ATCAY: variants seen among roughly 807,000 people sequenced by gnomAD.
ATCAY encodes the protein ATCAY kinesin light chain interacting caytaxin.
In ATCAY, 22 loss-of-function variants were observed where a neutral mutation model predicts 47.7. The ratio of observed to expected loss-of-function variants is 0.46; its 90% confidence interval spans 0.33 to 0.66. ATCAY has a LOEUF of 0.66. ATCAY is among the 30% of genes least tolerant of loss of function. ATCAY has a pLI of 0.02. For synonymous variants in ATCAY, 216 were observed against 207.6 expected, an observed-to-expected ratio of 1.04 and a Z score of -0.35; for missense variants, 452 against 515.0, an observed-to-expected ratio of 0.88 and a Z score of 1.18.
At chr19:3,914,112 T>C (rs2038945869) in intron 9 of ATCAY, among the ~76,000 whole-genome samples, 1 of 151,498 alleles carries the variant, frequency 6.6e-6, no homozygotes, top group Admixed American at 6.6e-5. Context: ...GGCGGGCGCC[T>C]GTAGTCCCAG....
chr19:3,904,594 CCTCT>C (rs747902650), intron 3 of ATCAY, among the ~76,000 whole-genome samples: 5 of 151,966 alleles, frequency 3.3e-5, no homozygotes, highest in African/African-American at 1.2e-4. Flanking sequence ...TAAATTTCTC[CCTCT>C]CTCTTTTTTT....
intron 1 of ATCAY, among the ~76,000 whole-genome samples, chr19:3,883,185 C>G (rs147516036): frequency 6.6e-6 from 1 of 152,046 alleles, no homozygotes; most frequent in African/African-American, 2.4e-5. Context: ...ACCAGCCTGG[C>G]CAATATAGTG....
intron 2 of ATCAY, among the ~76,000 whole-genome samples, chr19:3,898,126 C>T (rs2145234301): frequency 6.6e-6 from 1 of 152,226 alleles, no homozygotes; most frequent in South Asian, 2.1e-4. Flanking sequence ...CCCCCAACCC[C>T]AGTGACCACA....
intron 1 of ATCAY, among the ~76,000 whole-genome samples, chr19:3,885,175 T>C (rs1430932213): frequency 6.7e-6 from 1 of 148,982 alleles, no homozygotes; most frequent in African/African-American, 2.5e-5. Flanking sequence ...TCCCAGCACT[T>C]TGGGAGGCTG....
intron 2 of ATCAY, among the ~76,000 whole-genome samples, chr19:3,893,827 C>G (rs1047604477): frequency 6.6e-6 from 1 of 152,148 alleles, no homozygotes; most frequent in Non-Finnish European, 1.5e-5. Flanking sequence ...ATCCCATCCC[C>G]GAGGCACTGC....
At chr19:3,899,306 A>ATT (rs1277495645) in intron 2 of ATCAY, among the ~76,000 whole-genome samples, 1 of 133,350 alleles carries the variant, frequency 7.5e-6, no homozygotes, top group African/African-American at 2.8e-5. Context: ...GAGGGAATAA[A>ATT]TCTTTTTTTT....
chr19:3,884,212 A>G (rs1458858622), intron 1 of ATCAY, among the ~76,000 whole-genome samples: 1 of 152,066 alleles, frequency 6.6e-6, no homozygotes, highest in Non-Finnish European at 1.5e-5. Flanking sequence ...GCTTGAGCCC[A>G]GGAGTTGGAG....
chr19:3,907,692 C>A lies in ATCAY; in HGVS notation c.359-42C>A. 6.2e-7 allele frequency: 1 copy of A among 1,608,086 alleles called. No homozygotes were observed. The highest frequency in any genetic ancestry group is 8.5e-7 in the Non-Finnish European group (1 of 1,176,460). ...GCTGAGCAGGAGGGCAGGAGATATC[C>A]GGACTCTGGCGTCCATGCGACTCTC... On this transcript the variant is annotated intron_variant, in intron 4 of 12. Coordinates refer to ENST00000450849, the MANE Select transcript of ATCAY (RefSeq NM_033064.5). This position sits in a 1 kb window ranked among gnomAD's most constrained non-coding sequence, Gnocchi z 5.1.
Position 3,924,654 on chromosome 19 carries a change from GA to G in ATCAY, c.*63del. On this transcript the variant is annotated 3_prime_UTR_variant, in exon 13 of 13. Transcript: ENST00000450849. The stretch of plus-strand genomic sequence containing the variant: ...TCCAGATGCCAGAAAACCTCTGTCA[GA>G]CGCCCACTGGCCCCAGATCTCATCC... The G allele has an allele frequency of 6.3e-7, 1 of 1,589,542 alleles. No individual in the cohort carries two copies. Among genetic ancestry groups the G allele is most frequent in the South Asian group, 1.1e-5 (1 of 89,678 alleles).
In ATCAY at chr19:3,907,955, A is replaced by G. The variant is rs760982162; in HGVS notation, c.544+36A>G. 5.6e-6 allele frequency: 9 copies of G among 1,595,556 alleles called. No homozygotes were observed. In the South Asian group the frequency reaches 1.0e-4, roughly 18 times the overall value. ...CCCCCCGGTGCCCCCTTGGGGCTCC[A>G]GCCCGGCCCACTGGGCAACAGGGGG... On this transcript the variant is annotated intron_variant, in intron 5 of 12. Transcript: ENST00000450849. This position sits in a 1 kb window ranked among gnomAD's most constrained non-coding sequence, Gnocchi z 5.1.
intron 9 of ATCAY, 40 bp from the exon 10 acceptor site, chr19:3,917,702 G>A: frequency 1.9e-6 from 3 of 1,612,810 alleles, no homozygotes; most frequent in Non-Finnish European, 2.5e-6. Flanking sequence ...TATCTCAGGG[G>A]AAAGGAAGGT....
intron 2 of ATCAY, among the ~76,000 whole-genome samples, chr19:3,893,966 C>G (rs915001840): frequency 6.6e-6 from 1 of 152,084 alleles, no homozygotes; most frequent in South Asian, 2.1e-4. Flanking sequence ...TTATTCCAGT[C>G]CCGGAGCCTG....
chr19:3,892,469 G>A (rs2038726884), intron 2 of ATCAY, among the ~76,000 whole-genome samples: 1 of 152,122 alleles, frequency 6.6e-6, no homozygotes, highest in Admixed American at 6.6e-5. Flanking sequence ...CCAAAATGCT[G>A]GGATTACAGG....
chr19:3,917,568 G>C (rs2038976306), intron 9 of ATCAY, among the ~76,000 whole-genome samples, 174 bp from the exon 10 acceptor site: 1 of 103,150 alleles, frequency 9.7e-6, no homozygotes, highest in Non-Finnish European at 1.7e-5. Context: ...TTGGGCGACA[G>C]TGCAAGACTC....
At chr19:3,917,584 C>CAAAAAAAAAAAAAAAAAA (rs71166940) in intron 9 of ATCAY, among the ~76,000 whole-genome samples, 158 bp from the exon 10 acceptor site, 1 of 40,834 alleles carries the variant, frequency 2.4e-5, no homozygotes, top group African/African-American at 1.0e-4. Context: ...GACTCCATCT[C>CAAAAAAAAAAAAAAAAAA]AAAAAAAAAA....
At chr19:3,906,234 G>T (rs1384658997) in intron 4 of ATCAY, among the ~76,000 whole-genome samples, 1 of 151,300 alleles carries the variant, frequency 6.6e-6, no homozygotes, top group Non-Finnish European at 1.5e-5. Flanking sequence ...TAGACAGAAG[G>T]AATAAGTTCT....
At chr19:3,902,196 C>T (rs1212415250) in intron 2 of ATCAY, among the ~76,000 whole-genome samples, 2 of 151,756 alleles carry the variant, frequency 1.3e-5, no homozygotes, top group Admixed American at 6.6e-5. Flanking sequence ...GTGGTGTGCA[C>T]CTGTAGTCCC....
intron 9 of ATCAY, among the ~76,000 whole-genome samples, chr19:3,915,218 G>GT (rs1210769089): frequency 6.6e-6 from 1 of 151,928 alleles, no homozygotes; most frequent in Non-Finnish European, 1.5e-5. Flanking sequence ...TGTTGCCCAG[G>GT]CTGGAGTGCA....
intron 2 of ATCAY, among the ~76,000 whole-genome samples, chr19:3,888,546 C>A (rs1433359907): frequency 2.0e-5 from 3 of 151,978 alleles, no homozygotes; most frequent in Non-Finnish European, 4.4e-5. Context: ...AGGAAAACTG[C>A]TGGAACTCGG....
Sources: gnomAD v4.1 joint callset for allele counts (sites outside exome capture counted in the v4.1 genomes callset) on GRCh38, gnomAD v4.1.1 for gene constraint, Gnocchi (gnomAD v3.1) non-coding constraint, MANE v1.5 for transcripts, NCBI Gene and HGNC (gene_info 2026-07-23, HGNC 2026-07-21) for gene names.